The following PAPPA variants were observed in gnomAD, a reference collection of about 807,000 sequenced individuals.
PAPPA encodes the protein pappalysin 1.
In PAPPA, 60 loss-of-function variants were observed where a neutral mutation model predicts 164.0. That is an observed-to-expected ratio of 0.37 (90% CI 0.30 to 0.45). PAPPA has a LOEUF of 0.45. Among genes scored for constraint, PAPPA ranks in the 20% least tolerant of loss-of-function variants. PAPPA has a pLI of 1.00. For missense variants in PAPPA, 1,782 were observed against 2,087.3 expected (o/e 0.85, Z 2.85); for synonymous variants, 875 against 814.1 (o/e 1.07, Z -1.27).
chr9:116,211,697 C>T lies in PAPPA; in HGVS notation c.1683C>T (p.Ile561=). The change falls in exon 4 of 22, where the codon ATC becomes ATT. Residue 561 remains isoleucine (I), a synonymous_variant. Coordinates refer to ENST00000328252, the MANE Select transcript of PAPPA (RefSeq NM_002581.5). ...TGCCTGGGCACACCCACACCATGATCCATGAGATTGGTCACAGCCTGGGCC... is the reference window on the plus strand; with the variant it reads ...TGCCTGGGCACACCCACACCATGATTCATGAGATTGGTCACAGCCTGGGCC... ...YGMPGHTHTM[I]HEIGHSLGLY... is the part of the protein sequence containing the mutation. The T allele has an allele frequency of 6.2e-7, 1 of 1,614,134 alleles. No individual in the cohort carries two copies. The highest frequency in any genetic ancestry group is 8.5e-7 in the Non-Finnish European group (1 of 1,179,990).
At chr9:116,353,288 T>C (rs1368044763) in intron 16 of PAPPA, among the ~76,000 whole-genome samples, 1 of 152,212 alleles carries the variant, frequency 6.6e-6, no homozygotes, top group Middle Eastern at 3.2e-3. Context: ...ACGTAGTAGT[T>C]GTTCAGTAAA....
rs993691193 is a variant in PAPPA, at chr9:116,154,969, C to T, written c.415+382C>T. On this transcript the variant is annotated intron_variant, in intron 1 of 21. Transcript: ENST00000328252. This position sits in a 1 kb window ranked among gnomAD's most constrained non-coding sequence, Gnocchi z 5.2. ...CAATTGAGATGCATGTGAAAGGAGA[C>T]TTGGGGACCGTTGATTTCTTTGACG... is the stretch of plus-strand genomic sequence containing the variant. 5.9e-5 allele frequency among the ~76,000 whole-genome samples: 9 copies of T among 152,224 alleles called. No individual in the cohort carries two copies. The highest frequency in any genetic ancestry group is 1.3e-4 in the Admixed American group (2 of 15,284).
intron 20 of PAPPA, 75 bp downstream of exon 20, chr9:116,377,722 G>A: frequency 8.6e-7 from 1 of 1,158,428 alleles, no homozygotes; most frequent in Non-Finnish European, 1.3e-6. Context: ...TTATATTAAT[G>A]TTGGCTATCC....
intron 7 of PAPPA, among the ~76,000 whole-genome samples, chr9:116,236,010 A>G (rs1382226371): frequency 6.6e-6 from 1 of 152,188 alleles, no homozygotes; most frequent in East Asian, 1.9e-4. Flanking sequence ...TTCTTTTTAT[A>G]TTAAATTGAA....
intron 2 of PAPPA, among the ~76,000 whole-genome samples, chr9:116,204,439 G>T (rs190417926): frequency 1.3e-5 from 2 of 152,242 alleles, no homozygotes; most frequent in East Asian, 1.9e-4. Context: ...TTAAGAGATG[G>T]CCTATTGCTC....
chr9:116,389,424 C>G (rs1415904461), intron 21 of PAPPA, among the ~76,000 whole-genome samples: 1 of 152,096 alleles, frequency 6.6e-6, no homozygotes, highest in Non-Finnish European at 1.5e-5. Flanking sequence ...CAAAGACATA[C>G]AGTTCCTTCC....
chr9:116,257,411 A>G (rs1270092546), intron 7 of PAPPA, among the ~76,000 whole-genome samples: 1 of 152,020 alleles, frequency 6.6e-6, no homozygotes, highest in Non-Finnish European at 1.5e-5. Flanking sequence ...CAAAAAATAA[A>G]AACAAAAGGC....
chr9:116,287,850 A>G (rs1456945666), intron 9 of PAPPA, among the ~76,000 whole-genome samples: 1 of 152,170 alleles, frequency 6.6e-6, no homozygotes, highest in East Asian at 1.9e-4. Context: ...AGGACTGGAG[A>G]CAACTTCTCT....
At chr9:116,231,662 GAT>G in intron 6 of PAPPA, among the ~76,000 whole-genome samples, 1 of 110 alleles carries the variant, frequency 9.1e-3, no homozygotes, top group African/African-American at 0.045. Context: ...TGAATGGGCG[GAT>G]GGATGGATGG....
intron 7 of PAPPA, among the ~76,000 whole-genome samples, chr9:116,249,653 G>T (rs994101078): frequency 6.6e-6 from 1 of 152,118 alleles, no homozygotes; most frequent in African/African-American, 2.4e-5. Context: ...GTGGTCAAGT[G>T]GAAATGCAGA....
chr9:116,233,917 A>C (rs1279674317), intron 6 of PAPPA, among the ~76,000 whole-genome samples: 1 of 152,034 alleles, frequency 6.6e-6, no homozygotes, highest in Non-Finnish European at 1.5e-5. Context: ...CTAGGTGGGC[A>C]TGGGGACACA....
intron 4 of PAPPA, 87 bp downstream of exon 4, chr9:116,212,019 C>A: frequency 8.6e-7 from 1 of 1,166,256 alleles, no homozygotes. Context: ...GAACAAGCTA[C>A]TTACCATTTC....
chr9:116,198,428 T>A (rs566511274), intron 2 of PAPPA, among the ~76,000 whole-genome samples: 35 of 152,356 alleles, frequency 2.3e-4, no homozygotes, highest in African/African-American at 8.2e-4. Context: ...AGTTTGTGCA[T>A]GAGTGTGTGT....
chr9:116,221,051 G>C (rs424464), intron 5 of PAPPA, among the ~76,000 whole-genome samples: 1 of 151,340 alleles, frequency 6.6e-6, no homozygotes, highest in Non-Finnish European at 1.5e-5. Context: ...CTGACTGTTC[G>C]TTAATTAACC....
intron 2 of PAPPA, among the ~76,000 whole-genome samples, chr9:116,195,481 C>A (rs1844093434): frequency 6.6e-6 from 1 of 152,198 alleles, no homozygotes; most frequent in African/African-American, 2.4e-5. Flanking sequence ...ACGGAACATA[C>A]TACAGTCAAG....
At chr9:116,258,808 G>A (rs1008942350) in intron 7 of PAPPA, among the ~76,000 whole-genome samples, 12 of 152,130 alleles carry the variant, frequency 7.9e-5, no homozygotes, top group Non-Finnish European at 1.5e-4. Context: ...TATTTGGGGG[G>A]AAAAACAATC....
At position 116,187,200 on chromosome 9, in the gene PAPPA, C is replaced by T. The variant is rs750177603; in HGVS notation, c.462C>T (p.Val154=). 40 of 1,613,940 alleles carry T rather than the reference C, an allele frequency of 2.5e-5. No individual in the cohort carries two copies. The highest frequency in any genetic ancestry group is 1.3e-4 in the African/African-American group (10 of 74,884). The change falls in exon 2 of 22, where the codon GTC becomes GTT. Residue 154 remains valine (V), a synonymous_variant. Coordinates refer to ENST00000328252, the MANE Select transcript of PAPPA (RefSeq NM_002581.5). This position sits in a 1 kb window ranked among gnomAD's most constrained non-coding sequence, Gnocchi z 4.2. ...CSYISRDRGW[V]VGIHTISDQD... ...ATATCTCACGTGACCGAGGATGGGT[C>T]GTGGGCATTCACACCATCAGTGACC...
At chr9:116,239,544 A>C (rs1463289221) in intron 7 of PAPPA, among the ~76,000 whole-genome samples, 1 of 152,224 alleles carries the variant, frequency 6.6e-6, no homozygotes, top group Non-Finnish European at 1.5e-5. Flanking sequence ...AGGAAACCTC[A>C]CTGGCTCTGT....
rs771593921 is a variant in PAPPA, at chr9:116,228,047, C to T, written c.2233+495C>T. Among the ~76,000 whole-genome samples the T allele has an allele frequency of 2.6e-5, 4 of 152,242 alleles. No individual in the cohort carries two copies. The South Asian group carries it at 8.3e-4, about 32-fold the overall frequency. ...ATACCCTCTTTTTGGGATCTATTTACCTGTAAGACACATAAAGGAAGTGCC... is the reference window on the plus strand; with the variant it reads ...ATACCCTCTTTTTGGGATCTATTTATCTGTAAGACACATAAAGGAAGTGCC... On this transcript the variant is annotated intron_variant, in intron 6 of 21. Coordinates refer to ENST00000328252, the MANE Select transcript of PAPPA (RefSeq NM_002581.5).
Sources: allele counts gnomAD v4.1 joint callset (sites outside exome capture counted in the v4.1 genomes callset), GRCh38; gene constraint gnomAD v4.1.1; non-coding constraint Gnocchi (gnomAD v3.1); transcripts MANE v1.5; gene names NCBI Gene and HGNC (gene_info 2026-07-23, HGNC 2026-07-21).